OR9Q1: variants seen among roughly 807,000 people sequenced by gnomAD.
OR9Q1 encodes olfactory receptor family 9 subfamily Q member 1.
For synonymous variants in OR9Q1, 153 were observed against 148.6 expected (o/e 1.03, Z -0.22); for missense variants, 374 against 378.8 (o/e 0.99, Z 0.11).
chr11:58,118,230 G>C (rs970498669), intron 2 of OR9Q1: 3 of 288,606 alleles, frequency 1.0e-5, no homozygotes, highest in Admixed American at 4.7e-5. Flanking sequence ...CCTGGGATCT[G>C]AGATTCTATA....
chr11:58,173,229 G>A (rs960373145), intron 2 of OR9Q1, among the ~76,000 whole-genome samples: 11 of 151,480 alleles, frequency 7.3e-5, no homozygotes, highest in African/African-American at 2.4e-4. Flanking sequence ...TTGGTGTACT[G>A]CACCCATTAA....
chr11:58,108,468 A>G (rs1472741685), intron 2 of OR9Q1, among the ~76,000 whole-genome samples: 3 of 152,158 alleles, frequency 2.0e-5, no homozygotes, highest in African/African-American at 7.2e-5. Flanking sequence ...GAGTAGCCCT[A>G]GAATCCAGAA....
intron 2 of OR9Q1, among the ~76,000 whole-genome samples, chr11:58,140,225 A>G (rs1317626114): frequency 6.6e-6 from 1 of 150,566 alleles, no homozygotes; most frequent in Non-Finnish European, 1.5e-5. Flanking sequence ...ATTTTCTCCC[A>G]TTCTGTAGGT....
intron 1 of OR9Q1, among the ~76,000 whole-genome samples, chr11:58,024,337 C>T (rs540789553): frequency 1.1e-3 from 168 of 150,370 alleles, no homozygotes; most frequent in Non-Finnish European, 2.0e-3. Context: ...CGCCTGCTCA[C>T]CTCGGTTTGT....
chr11:58,028,594 T>C (rs1474608485), intron 1 of OR9Q1, among the ~76,000 whole-genome samples: 1 of 152,102 alleles, frequency 6.6e-6, no homozygotes, highest in East Asian at 1.9e-4. Flanking sequence ...GTGTGCAGTA[T>C]CTCCACTGGG....
chr11:58,071,354 G>T (rs949620865), intron 2 of OR9Q1, among the ~76,000 whole-genome samples: 1 of 152,028 alleles, frequency 6.6e-6, no homozygotes, highest in African/African-American at 2.4e-5. Context: ...CAGGCGTGGT[G>T]GTGCATGCCT....
intron 1 of OR9Q1, among the ~76,000 whole-genome samples, chr11:58,040,411 C>G (rs564054938): frequency 6.6e-6 from 1 of 152,232 alleles, no homozygotes. Flanking sequence ...AGGACATGAA[C>G]CAGGTCTGGC....
intron 2 of OR9Q1, among the ~76,000 whole-genome samples, chr11:58,068,170 T>G (rs1853447797): frequency 1.3e-5 from 1 of 75,160 alleles, no homozygotes; most frequent in South Asian, 5.8e-4. Flanking sequence ...AAACCCTGTC[T>G]CTACAAAAAT....
At chr11:58,175,442 AAGCCCTCCCC>A (rs374704569) in intron 2 of OR9Q1, among the ~76,000 whole-genome samples, 9 of 152,200 alleles carry the variant, frequency 5.9e-5, no homozygotes, top group Admixed American at 2.6e-4. Flanking sequence ...CTCCTCTGCG[AAGCCCTCCCC>A]AGTTTACCCT....
intron 2 of OR9Q1, among the ~76,000 whole-genome samples, chr11:58,131,672 G>A (rs1272680853): frequency 2.6e-5 from 4 of 151,956 alleles, no homozygotes; most frequent in East Asian, 1.9e-4. Context: ...CCAGCGTTAC[G>A]GCAAGATTGG....
At chr11:58,106,376 G>T (rs971951654) in intron 2 of OR9Q1, among the ~76,000 whole-genome samples, 1 of 151,726 alleles carries the variant, frequency 6.6e-6, no homozygotes, top group Non-Finnish European at 1.5e-5. Context: ...GCCGGAGTTC[G>T]ATATATATTT....
intron 1 of OR9Q1, among the ~76,000 whole-genome samples, chr11:58,025,009 G>A (rs1405167197): frequency 6.6e-6 from 1 of 152,170 alleles, no homozygotes; most frequent in Non-Finnish European, 1.5e-5. Context: ...TCTTGCCCAA[G>A]TTTACTTACT....
intron 2 of OR9Q1, among the ~76,000 whole-genome samples, chr11:58,127,148 C>T (rs1854098076): frequency 6.6e-6 from 1 of 152,118 alleles, no homozygotes; most frequent in African/African-American, 2.4e-5. Context: ...CGGAGTTTCA[C>T]CATGTTGGCC....
At chr11:58,070,224 C>T (rs762222470) in intron 2 of OR9Q1, among the ~76,000 whole-genome samples, 7 of 151,254 alleles carry the variant, frequency 4.6e-5, no homozygotes, top group Non-Finnish European at 1.0e-4. Flanking sequence ...CCATGTTGGC[C>T]AGGCTGGTCT....
chr11:58,181,324 C>T lies in OR9Q1; in HGVS notation c.*947C>T, dbSNP rs72923632. On this transcript the variant is annotated 3_prime_UTR_variant, in exon 3 of 3. Transcript: ENST00000335397. ...CAGAACATTGCTGCATTCCACATGGCGATAGGCAGGAGGGTGGTCCTCGCC... is the reference window on the plus strand; with the variant it reads ...CAGAACATTGCTGCATTCCACATGGTGATAGGCAGGAGGGTGGTCCTCGCC... The T allele has an allele frequency of 0.079, 13,187 of 166,948 alleles. 700 individuals carry two copies. Among genetic ancestry groups the T allele is most frequent in the Middle Eastern group, 0.16 (46 of 296 alleles). The allele number at this position is 166,948 out of a possible 1,614,324, so 10.3% of individuals were successfully genotyped here.
chr11:58,035,275 A>T (rs374719783), intron 1 of OR9Q1, among the ~76,000 whole-genome samples: 1 of 146,628 alleles, frequency 6.8e-6, no homozygotes, highest in Non-Finnish European at 1.5e-5. Context: ...AAGAAAAAAA[A>T]CAAATTGTGG....
intron 1 of OR9Q1, chr11:58,031,557 T>C: frequency 6.2e-7 from 1 of 1,614,100 alleles, no homozygotes; most frequent in Non-Finnish European, 8.5e-7. Flanking sequence ...AAGGAGACTG[T>C]GGATTTCCTG....
chr11:58,134,568 G>A (rs1186230157), intron 2 of OR9Q1, among the ~76,000 whole-genome samples: 8 of 152,214 alleles, frequency 5.3e-5, no homozygotes, highest in Admixed American at 5.2e-4. Context: ...GTCAGAGTGA[G>A]AAGGCACTGG....
At chr11:58,158,290 G>T (rs1386960365) in intron 2 of OR9Q1, among the ~76,000 whole-genome samples, 1 of 152,144 alleles carries the variant, frequency 6.6e-6, no homozygotes, top group Non-Finnish European at 1.5e-5. Flanking sequence ...CATGGTACTT[G>T]TGTTTTTTGG....
Sources: allele counts gnomAD v4.1 joint callset (sites outside exome capture counted in the v4.1 genomes callset), GRCh38; gene constraint gnomAD v4.1.1; transcripts MANE v1.5; gene names NCBI Gene and HGNC (gene_info 2026-07-23, HGNC 2026-07-21).